Variants in CCDC178 observed in about 807,000 individuals in gnomAD.
CCDC178 encodes the protein coiled-coil domain-containing protein 178.
CCDC178 carries 126 observed loss-of-function variants against 117.4 expected under a neutral mutation model. That is an observed-to-expected ratio of 1.07 (90% confidence interval 0.93 to 1.24). The LOEUF is 1.24. Ranked by LOEUF, CCDC178 falls within the 50% of genes most tolerant of loss-of-function variation. The probability of loss-of-function intolerance (pLI) is 0.00; values close to 1 mark genes in which losing one functional copy is unlikely to be tolerated. For synonymous variants in CCDC178, 283 were observed against 313.4 expected (o/e 0.90, Z 1.02); for missense variants, 1,030 against 986.9 (o/e 1.04, Z -0.59).
At chr18:33,162,395 C>A (rs1290938326) in intron 20 of CCDC178, among the ~76,000 whole-genome samples, 2 of 152,128 alleles carry the variant, frequency 1.3e-5, no homozygotes, top group African/African-American at 4.8e-5. Flanking sequence ...ACAAATCTAG[C>A]TGAAATATTC....
At position 33,224,897 on chromosome 18, in the gene CCDC178, G is replaced by A. The variant is rs139736043; in HGVS notation, c.1696C>T (p.Arg566Trp). Residue 566 changes from arginine to tryptophan, a missense_variant, in exon 17 of 23, where the codon CGG (arginine) becomes TGG (tryptophan). Physicochemically the swap from Arg to Trp is moderately radical, Grantham distance 101. Transcript: ENST00000383096. ...YSIYEVQALE[R>W]KELIKNRAIC... ...GCTCTATTTTTTATAAGCTCTTTCC[G>A]CTCAAGTGCCTGGACTTCGTAAATG... is the stretch of plus-strand genomic sequence containing the variant. 1.1e-5 allele frequency: 17 copies of A among 1,547,518 alleles called. No individual in the cohort carries two copies. Among genetic ancestry groups the A allele is most frequent in the Admixed American group, 1.9e-5 (1 of 51,472 alleles).
chr18:33,373,359 C>G (rs1488782971), intron 5 of CCDC178, among the ~76,000 whole-genome samples: 2 of 151,846 alleles, frequency 1.3e-5, no homozygotes, highest in African/African-American at 4.8e-5. Flanking sequence ...AAATCTACAA[C>G]TTCAATACAA....
At chr18:33,156,481 T>C (rs1023111132) in intron 20 of CCDC178, among the ~76,000 whole-genome samples, 3 of 151,544 alleles carry the variant, frequency 2.0e-5, no homozygotes, top group Non-Finnish European at 2.9e-5. Flanking sequence ...TAATAGGCAT[T>C]GTAAAAGGAA....
At chr18:33,048,114 A>G (rs796656286) in intron 21 of CCDC178, among the ~76,000 whole-genome samples, 6 of 152,314 alleles carry the variant, frequency 3.9e-5, no homozygotes, top group African/African-American at 1.4e-4. Context: ...ACAGCCAATT[A>G]CAAGCCAAGG....
At chr18:33,313,427 T>C (rs771640838) in intron 11 of CCDC178, among the ~76,000 whole-genome samples, 7 of 152,210 alleles carry the variant, frequency 4.6e-5, no homozygotes, top group African/African-American at 7.2e-5. Flanking sequence ...CTACTCCTTT[T>C]ATCCCAGTTT....
At chr18:33,284,482 C>T (rs529244154) in intron 12 of CCDC178, among the ~76,000 whole-genome samples, 3 of 151,932 alleles carry the variant, frequency 2.0e-5, no homozygotes, top group African/African-American at 7.2e-5. Context: ...AGAAACATGC[C>T]ATCAATTACT....
At chr18:32,942,434 GA>G (rs1352182209) in intron 22 of CCDC178, among the ~76,000 whole-genome samples, 1 of 152,030 alleles carries the variant, frequency 6.6e-6, no homozygotes, top group Non-Finnish European at 1.5e-5. Flanking sequence ...AGGCAGAGAA[GA>G]AGCACATACA....
At chr18:33,249,602 G>A (rs2059592964) in intron 14 of CCDC178, among the ~76,000 whole-genome samples, 1 of 151,844 alleles carries the variant, frequency 6.6e-6, no homozygotes, top group Non-Finnish European at 1.5e-5. Flanking sequence ...ATTTCTGAGG[G>A]CTCTGTTCTG....
chr18:33,093,801 C>T (rs2057502958), intron 20 of CCDC178, among the ~76,000 whole-genome samples: 1 of 151,770 alleles, frequency 6.6e-6, no homozygotes, highest in African/African-American at 2.4e-5. Flanking sequence ...GGAATCTATC[C>T]TAAGCAAAAT....
chr18:33,092,303 A>G (rs181491059), intron 21 of CCDC178, among the ~76,000 whole-genome samples: 2 of 152,144 alleles, frequency 1.3e-5, no homozygotes, highest in East Asian at 3.9e-4. Context: ...AGAATTCCCA[A>G]TGATTTTCAG....
At chr18:32,958,510 A>T (rs1568181297) in intron 22 of CCDC178, among the ~76,000 whole-genome samples, 1 of 152,202 alleles carries the variant, frequency 6.6e-6, no homozygotes, top group African/African-American at 2.4e-5. Context: ...AAATACCATA[A>T]TTAGTTCAAG....
chr18:33,030,395 T>C (rs577668941), intron 21 of CCDC178, among the ~76,000 whole-genome samples: 8 of 152,190 alleles, frequency 5.3e-5, no homozygotes, highest in African/African-American at 1.7e-4. Context: ...GTTGAATGTT[T>C]TCTCCTCACC....
chr18:33,332,329 T>A (rs2062680745), intron 10 of CCDC178, among the ~76,000 whole-genome samples: 1 of 152,212 alleles, frequency 6.6e-6, no homozygotes, highest in Admixed American at 6.5e-5. Flanking sequence ...TTGTTTTATT[T>A]ACTTTAAAAT....
chr18:33,051,237 C>T (rs914993395), intron 21 of CCDC178, among the ~76,000 whole-genome samples: 1 of 151,920 alleles, frequency 6.6e-6, no homozygotes, highest in Admixed American at 6.6e-5. Context: ...TCACCCCTTA[C>T]ATTCATTATT....
chr18:33,030,423 T>C (rs2056313358), intron 21 of CCDC178, among the ~76,000 whole-genome samples: 1 of 152,082 alleles, frequency 6.6e-6, no homozygotes, highest in Non-Finnish European at 1.5e-5. Context: ...ACAATTTCTG[T>C]CTTTAGATTA....
At chr18:33,035,424 T>C (rs889089832) in intron 21 of CCDC178, among the ~76,000 whole-genome samples, 1 of 151,952 alleles carries the variant, frequency 6.6e-6, no homozygotes, top group Non-Finnish European at 1.5e-5. Context: ...CAATGGAATA[T>C]AATCAGTCAT....
intron 20 of CCDC178, among the ~76,000 whole-genome samples, chr18:33,209,718 T>C (rs1336714376): frequency 6.6e-6 from 1 of 151,560 alleles, no homozygotes; most frequent in East Asian, 1.9e-4. Context: ...CTTCAGACTC[T>C]ATGATTCTGG....
At chr18:33,184,064 C>T (rs1438016554) in intron 20 of CCDC178, among the ~76,000 whole-genome samples, 2 of 151,990 alleles carry the variant, frequency 1.3e-5, no homozygotes, top group Non-Finnish European at 2.9e-5. Flanking sequence ...AAGTTATTCT[C>T]AGCTTAAGTT....
At chr18:33,342,823 T>C (rs1369212131) in intron 9 of CCDC178, among the ~76,000 whole-genome samples, 1 of 152,180 alleles carries the variant, frequency 6.6e-6, no homozygotes, top group Admixed American at 6.5e-5. Context: ...ACAATTGTAG[T>C]AATAACTGAA....
Sources: gnomAD v4.1 joint callset for allele counts (sites outside exome capture counted in the v4.1 genomes callset) on GRCh38, gnomAD v4.1.1 for gene constraint, MANE v1.5 for transcripts, NCBI Gene and HGNC (gene_info 2026-07-23, HGNC 2026-07-21) for gene names.